Variants in UBXN7 observed in about 807,000 individuals in gnomAD.
The protein encoded by UBXN7 is UBX domain-containing protein 7.
In UBXN7, 9 loss-of-function variants were observed where a neutral mutation model predicts 58.0. The ratio of observed to expected loss-of-function variants is 0.16; its 90% CI spans 0.09 to 0.27. UBXN7 has a LOEUF of 0.27. Among genes scored for constraint, UBXN7 ranks in the 10% least tolerant of loss-of-function variants. The pLI is 1.00. For synonymous variants in UBXN7, 208 were observed against 205.0 expected (o/e 1.01, Z -0.12); for missense variants, 328 against 599.6 (o/e 0.55, Z 4.73).
chr3:196,425,281 A>G (rs909525130), intron 1 of UBXN7, among the ~76,000 whole-genome samples: 1 of 151,618 alleles, frequency 6.6e-6, no homozygotes, highest in Non-Finnish European at 1.5e-5. Flanking sequence ...TCCGCCACTA[A>G]CTTTTTTCAG....
intron 3 of UBXN7, among the ~76,000 whole-genome samples, chr3:196,395,620 T>A (rs1729745011): frequency 2.0e-5 from 3 of 151,824 alleles, no homozygotes; most frequent in African/African-American, 7.3e-5. Flanking sequence ...TTTTTGTTTG[T>A]TTGTTTGTTT....
At chr3:196,368,252 T>C in intron 7 of UBXN7, 97 bp from the exon 8 acceptor site, 1 of 1,247,778 alleles carries the variant, frequency 8.0e-7, no homozygotes, top group East Asian at 2.6e-5. Context: ...AGAATCCTTC[T>C]GAACACTCTC....
chr3:196,390,806 C>T (rs1560230712), intron 5 of UBXN7, among the ~76,000 whole-genome samples: 1 of 151,550 alleles, frequency 6.6e-6, no homozygotes, highest in African/African-American at 2.4e-5. Context: ...TTCAAAAGAG[C>T]ATTAACATGT....
intron 5 of UBXN7, among the ~76,000 whole-genome samples, chr3:196,384,840 T>C (rs1729323498): frequency 6.6e-6 from 1 of 152,126 alleles, no homozygotes; most frequent in African/African-American, 2.4e-5. Flanking sequence ...CCACAGCCAA[T>C]ACCATACTGA....
At chr3:196,424,185 G>A (rs1054043877) in intron 1 of UBXN7, among the ~76,000 whole-genome samples, 5 of 151,628 alleles carry the variant, frequency 3.3e-5, no homozygotes, top group Non-Finnish European at 7.4e-5. Flanking sequence ...GCCACCACAC[G>A]TGGCCACTCC....
At chr3:196,389,425 C>T (rs1199960027) in intron 5 of UBXN7, among the ~76,000 whole-genome samples, 1 of 152,218 alleles carries the variant, frequency 6.6e-6, no homozygotes, top group Admixed American at 6.5e-5. Flanking sequence ...TGCAGCCAAA[C>T]CACTTTCAAG....
chr3:196,419,157 G>A (rs1730596733), intron 1 of UBXN7, among the ~76,000 whole-genome samples: 1 of 151,992 alleles, frequency 6.6e-6, no homozygotes, highest in Non-Finnish European at 1.5e-5. Context: ...TACTAGGGAC[G>A]TCCCAGCTAC....
intron 1 of UBXN7, among the ~76,000 whole-genome samples, chr3:196,421,532 G>A (rs1479029106): frequency 2.0e-5 from 3 of 152,194 alleles, no homozygotes; most frequent in Non-Finnish European, 4.4e-5. Context: ...AGCACTTTGG[G>A]AGGCTGAGGC....
At chr3:196,381,851 T>G (rs543884372) in intron 5 of UBXN7, among the ~76,000 whole-genome samples, 2 of 152,314 alleles carry the variant, frequency 1.3e-5, no homozygotes, top group South Asian at 4.1e-4. Context: ...TTGCATAAGC[T>G]TCAATAGCTG....
At chr3:196,383,496 T>C (rs138139076) in intron 5 of UBXN7, among the ~76,000 whole-genome samples, 3,950 of 152,176 alleles carry the variant, frequency 0.026, 79 homozygotes, top group South Asian at 0.082. Context: ...AGAATATACA[T>C]TTCTTCTCAG....
At chr3:196,423,932 C>T (rs1055982235) in intron 1 of UBXN7, among the ~76,000 whole-genome samples, 1 of 149,542 alleles carries the variant, frequency 6.7e-6, no homozygotes, top group Non-Finnish European at 1.5e-5. Context: ...CTCTCTTGCC[C>T]AGGCTGGAGT....
intron 5 of UBXN7, among the ~76,000 whole-genome samples, chr3:196,384,467 T>C (rs1729311798): frequency 6.6e-6 from 1 of 152,200 alleles, no homozygotes; most frequent in Non-Finnish European, 1.5e-5. Flanking sequence ...AACATCATCC[T>C]GATACCAAAG....
At chr3:196,423,695 T>C (rs1277434272) in intron 1 of UBXN7, among the ~76,000 whole-genome samples, 3 of 152,098 alleles carry the variant, frequency 2.0e-5, no homozygotes, top group East Asian at 1.9e-4. Flanking sequence ...ATCTGACTTA[T>C]CCACTTGACA....
intron 5 of UBXN7, among the ~76,000 whole-genome samples, chr3:196,376,375 G>A (rs373119113): frequency 5.3e-5 from 8 of 151,356 alleles, no homozygotes; most frequent in Non-Finnish European, 8.8e-5. Flanking sequence ...GTGAAACCTC[G>A]TCTCTACTAA....
At chr3:196,401,078 T>C (rs1308620429) in intron 3 of UBXN7, among the ~76,000 whole-genome samples, 2 of 151,156 alleles carry the variant, frequency 1.3e-5, no homozygotes, top group Non-Finnish European at 2.9e-5. Flanking sequence ...TATATTCTTT[T>C]GTTTCTTGCT....
chr3:196,397,520 C>T (rs1183750475), intron 3 of UBXN7: 1 of 152,408 alleles, frequency 6.6e-6, no homozygotes, highest in Non-Finnish European at 1.5e-5. Context: ...AGATGGGGGT[C>T]TCACTATGTT....
intron 10 of UBXN7, among the ~76,000 whole-genome samples, chr3:196,360,791 C>T (rs1201555614): frequency 1.3e-5 from 2 of 151,972 alleles, no homozygotes; most frequent in Non-Finnish European, 2.9e-5. Context: ...TGGGAGGCTG[C>T]GGTGAGAGGA....
At chr3:196,357,624 A>G (rs1038880077) in intron 10 of UBXN7, among the ~76,000 whole-genome samples, 2 of 152,144 alleles carry the variant, frequency 1.3e-5, no homozygotes, top group African/African-American at 4.8e-5. Flanking sequence ...AATATGGGCC[A>G]GGCATGGTGG....
chr3:196,393,747 T>A, intron 3 of UBXN7, 128 bp from the exon 4 acceptor site: 2 of 808,266 alleles, frequency 2.5e-6, no homozygotes, highest in Non-Finnish European at 3.8e-6. Context: ...ATGTCACCCT[T>A]GCACAGGGGC....
Sources: allele counts gnomAD v4.1 joint callset (sites outside exome capture counted in the v4.1 genomes callset), GRCh38; gene constraint gnomAD v4.1.1; transcripts MANE v1.5; gene names NCBI Gene and HGNC (gene_info 2026-07-23, HGNC 2026-07-21).